Variants in EYS observed in about 807,000 individuals in gnomAD.
The protein encoded by EYS is protein eyes shut homolog.
Under a neutral mutation model 282.1 loss-of-function variants are expected in EYS, and 250 were observed. That is an observed-to-expected ratio of 0.89 (90% CI 0.80 to 0.98). EYS has a LOEUF of 0.98. Ranked by LOEUF, EYS falls within the 50% of genes least tolerant of loss-of-function variation. The pLI, the probability that EYS is intolerant of heterozygous loss-of-function variation, is 0.00. For missense variants in EYS, 4,016 were observed against 3,709.0 expected, an observed-to-expected ratio of 1.08 and a Z score of -2.15; for synonymous variants, 1,355 against 1,282.9, an observed-to-expected ratio of 1.06 and a Z score of -1.20.
intron 26 of EYS, among the ~76,000 whole-genome samples, chr6:64,491,988 A>G (rs1209825632): frequency 6.6e-6 from 1 of 151,184 alleles, no homozygotes. Flanking sequence ...CCTGGAATGT[A>G]CAGCACCCTT....
At position 64,669,889 on chromosome 6, in the gene EYS, C is replaced by T. The variant is rs113195040; in HGVS notation, c.3444-43644G>A. Among the ~76,000 whole-genome samples, 347 of 152,272 alleles carry T rather than the reference C, an allele frequency of 2.3e-3. 3 individuals are homozygous for T. The highest frequency in any genetic ancestry group is 8.0e-3 in the African/African-American group (333 of 41,552). On this transcript the variant is annotated intron_variant, in intron 22 of 42. Transcript: ENST00000503581. Reference sequence around the variant, plus strand: ...GCATATTGACCAAAAAAGGCCTTAACATTCTTCTCAGCTTAACGTTAGATA... The same window carrying T: ...GCATATTGACCAAAAAAGGCCTTAATATTCTTCTCAGCTTAACGTTAGATA...
intron 14 of EYS, among the ~76,000 whole-genome samples, chr6:64,954,181 T>C (rs1427564994): frequency 6.6e-6 from 1 of 152,042 alleles, no homozygotes; most frequent in Non-Finnish European, 1.5e-5. Context: ...ATTAGTAATC[T>C]TTACTTATAA....
intron 22 of EYS, among the ~76,000 whole-genome samples, chr6:64,741,496 G>A (rs75106241): frequency 0.046 from 7,072 of 152,202 alleles, 227 homozygotes; most frequent in East Asian, 0.18. Flanking sequence ...CCTAGCAAGA[G>A]GCAACTTGTC....
intron 8 of EYS, among the ~76,000 whole-genome samples, chr6:65,357,374 C>T (rs1346379340): frequency 2.0e-5 from 3 of 151,834 alleles, no homozygotes; most frequent in Non-Finnish European, 4.4e-5. Context: ...TTGTTCTTGT[C>T]CATCGTCTAT....
intron 12 of EYS, among the ~76,000 whole-genome samples, chr6:65,076,436 A>T (rs1482336405): frequency 1.3e-5 from 2 of 152,036 alleles, no homozygotes; most frequent in African/African-American, 4.8e-5. Context: ...GGTATGAGGC[A>T]TCCCATTGTT....
At chr6:65,413,538 T>C (rs1409227160) in intron 5 of EYS, among the ~76,000 whole-genome samples, 1 of 151,986 alleles carries the variant, frequency 6.6e-6, no homozygotes, top group Admixed American at 6.6e-5. Flanking sequence ...ATAGAAATAA[T>C]GGAATGAGTC....
At chr6:63,906,800 C>T (rs1272568013) in intron 35 of EYS, among the ~76,000 whole-genome samples, 1 of 151,600 alleles carries the variant, frequency 6.6e-6, no homozygotes, top group Non-Finnish European at 1.5e-5. Context: ...CTGTTTCTTG[C>T]TTTTATACAT....
chr6:65,425,285 A>G (rs1469422293), intron 5 of EYS, among the ~76,000 whole-genome samples: 1 of 152,140 alleles, frequency 6.6e-6, no homozygotes, highest in African/African-American at 2.4e-5. Flanking sequence ...GAATTAATAT[A>G]GTCAATTTTA....
chr6:64,601,288 T>C (rs1766751516), intron 24 of EYS, among the ~76,000 whole-genome samples: 1 of 152,112 alleles, frequency 6.6e-6, no homozygotes, highest in Non-Finnish European at 1.5e-5. Flanking sequence ...AAATACATTT[T>C]TATATAACCA....
At chr6:63,737,173 A>T (rs2149638827) in intron 41 of EYS, among the ~76,000 whole-genome samples, 1 of 152,152 alleles carries the variant, frequency 6.6e-6, no homozygotes, top group South Asian at 2.1e-4. Flanking sequence ...GCCAGTTTTC[A>T]AAGGGAATGC....
intron 22 of EYS, among the ~76,000 whole-genome samples, chr6:64,708,295 C>T (rs1190968969): frequency 6.6e-6 from 1 of 152,208 alleles, no homozygotes; most frequent in African/African-American, 2.4e-5. Context: ...ACCCTTAAGA[C>T]ACTTTATATC....
intron 29 of EYS, among the ~76,000 whole-genome samples, chr6:64,380,756 G>A (rs557690284): frequency 3.0e-4 from 46 of 152,020 alleles, no homozygotes; most frequent in Non-Finnish European, 5.6e-4. Context: ...GGTGGCTCAC[G>A]CCTATAATAC....
At chr6:65,075,190 T>A (rs1221360234) in intron 12 of EYS, among the ~76,000 whole-genome samples, 1 of 151,988 alleles carries the variant, frequency 6.6e-6, no homozygotes, top group Non-Finnish European at 1.5e-5. Flanking sequence ...TGTGTTTGTA[T>A]CCCACCAAGA....
chr6:64,167,619 A>C (rs1562234708), intron 31 of EYS, among the ~76,000 whole-genome samples: 1 of 151,516 alleles, frequency 6.6e-6, no homozygotes, highest in Non-Finnish European at 1.5e-5. Flanking sequence ...GTAATGCACA[A>C]AGTCCAAAGG....
intron 35 of EYS, among the ~76,000 whole-genome samples, chr6:63,880,913 C>T (rs1194439612): frequency 6.6e-6 from 1 of 152,144 alleles, no homozygotes; most frequent in East Asian, 1.9e-4. Context: ...GGCCATTTCT[C>T]ATCAAAAGGT....
At chr6:63,872,667 T>A (rs1188032439) in intron 35 of EYS, among the ~76,000 whole-genome samples, 1 of 151,872 alleles carries the variant, frequency 6.6e-6, no homozygotes. Context: ...TTAGTAGGGA[T>A]GATGTTTTGC....
intron 12 of EYS, among the ~76,000 whole-genome samples, chr6:65,089,990 C>T (rs1421316230): frequency 4.7e-5 from 7 of 147,596 alleles, no homozygotes. Flanking sequence ...AATACACACA[C>T]ACACACACAC....
At position 65,464,497 on chromosome 6, in the gene EYS, T is replaced by C. The variant is rs537031086; in HGVS notation, c.862+26097A>G. Among the ~76,000 whole-genome samples the C allele has an allele frequency of 2.2e-3, 329 of 152,282 alleles. 2 individuals carry two copies. The highest frequency in any genetic ancestry group is 7.1e-3 in the African/African-American group (294 of 41,558). On this transcript the variant is annotated intron_variant, in intron 5 of 42. Coordinates refer to ENST00000503581, the MANE Select transcript of EYS (RefSeq NM_001142800.2). Reference sequence around the variant, plus strand: ...TTTGTAATACAACTAAATGCCAAAGTTGAATCTCTACCAACATCAAAGTTA... The same window carrying C: ...TTTGTAATACAACTAAATGCCAAAGCTGAATCTCTACCAACATCAAAGTTA...
Position 65,318,485 on chromosome 6 carries a change from T to TG in EYS, c.1766+16494dup, listed in dbSNP as rs201847507. ...GGTACTCGGAGGCAGGCAGGGTCATTGAGGGTCATCTTGGAGGCTGGTCAC... is the reference window on the plus strand; with the variant it reads ...GGTACTCGGAGGCAGGCAGGGTCATTGGAGGGTCATCTTGGAGGCTGGTCAC... On this transcript the variant is annotated intron_variant, in intron 11 of 42. Transcript: ENST00000503581. 9.9e-3 allele frequency among the ~76,000 whole-genome samples: 1,465 copies of TG among 147,618 alleles called. 5 individuals are homozygous for TG. The highest frequency in any genetic ancestry group is 0.016 in the Non-Finnish European group (1,067 of 67,076).
Sources: gnomAD v4.1 joint callset for allele counts (sites outside exome capture counted in the v4.1 genomes callset) on GRCh38, gnomAD v4.1.1 for gene constraint, MANE v1.5 for transcripts, NCBI Gene and HGNC (gene_info 2026-07-23, HGNC 2026-07-21) for gene names.